FAM81A: variants seen among roughly 807,000 people sequenced by gnomAD.
The protein encoded by FAM81A is protein FAM81A.
A neutral mutation model predicts 46.7 loss-of-function variants in FAM81A; 19 were observed. The ratio of observed to expected loss-of-function variants is 0.41; its 90% CI spans 0.28 to 0.60. The LOEUF (loss-of-function observed/expected upper bound fraction) is 0.60, where lower values mean the gene tolerates loss of function less well. Ranked by LOEUF, FAM81A falls within the 20% of genes least tolerant of loss-of-function variation. The pLI is 0.34. For synonymous variants in FAM81A, 183 were observed against 152.9 expected (o/e 1.20, Z -1.45); for missense variants, 377 against 453.5 (o/e 0.83, Z 1.53).
intron 1 of FAM81A, among the ~76,000 whole-genome samples, chr15:59,447,289 G>T (rs2081363469): frequency 1.3e-5 from 2 of 152,224 alleles, no homozygotes; most frequent in Admixed American, 6.5e-5. Context: ...CCTAAGGACA[G>T]ATATTTTGGT....
intron 4 of FAM81A, among the ~76,000 whole-genome samples, chr15:59,498,338 C>G (rs186139643): frequency 7.9e-5 from 12 of 152,208 alleles, no homozygotes; most frequent in Non-Finnish European, 1.8e-4. Flanking sequence ...TTTATTGCCA[C>G]TTAGATAAGT....
At position 59,521,774 on chromosome 15, in the gene FAM81A, G is replaced by A. The variant is rs530846692; in HGVS notation, c.*396G>A. ...TTAAGAAACTAATGAATCATCACAGGAATGTGTTGCTCCTCACCCTAAATT... is the reference window on the plus strand; with the variant it reads ...TTAAGAAACTAATGAATCATCACAGAAATGTGTTGCTCCTCACCCTAAATT... On this transcript the variant is annotated 3_prime_UTR_variant, in exon 9 of 9. Coordinates refer to ENST00000288228, the MANE Select transcript of FAM81A (RefSeq NM_152450.3). 7.1e-5 allele frequency: 11 copies of A among 154,512 alleles called. No individual in the cohort carries two copies. The highest frequency in any genetic ancestry group is 1.3e-4 in the Admixed American group (2 of 15,398). 9.6% of individuals were successfully genotyped at this position (154,512 alleles called of 1,614,324 possible).
At chr15:59,429,844 G>A (rs1488223862) in intron 2 of FAM81A, among the ~76,000 whole-genome samples, 1 of 152,148 alleles carries the variant, frequency 6.6e-6, no homozygotes, top group African/African-American at 2.4e-5. Flanking sequence ...CCTAATTTCT[G>A]ATGTAATAGA....
chr15:59,507,016 A>G (rs1387605665), intron 4 of FAM81A, among the ~76,000 whole-genome samples, 197 bp from the exon 5 acceptor site: 3 of 152,214 alleles, frequency 2.0e-5, no homozygotes, highest in African/African-American at 7.2e-5. Flanking sequence ...CTCTAGCCTT[A>G]TTAAGCAACA....
At chr15:59,476,016 T>C (rs7172008) in intron 3 of FAM81A, among the ~76,000 whole-genome samples, 127,135 of 152,178 alleles carry the variant, frequency 0.84, 53,528 homozygotes, top group African/African-American at 0.95. Context: ...AAAATGCTGG[T>C]AGATCCAGTG....
intron 3 of FAM81A, among the ~76,000 whole-genome samples, chr15:59,471,931 A>G (rs576112899): frequency 1.3e-5 from 2 of 152,314 alleles, no homozygotes; most frequent in South Asian, 4.1e-4. Flanking sequence ...TATGATGGTT[A>G]AAGAAAATGA....
chr15:59,467,620 G>C (rs1436204064), intron 3 of FAM81A, among the ~76,000 whole-genome samples: 1 of 152,174 alleles, frequency 6.6e-6, no homozygotes. Context: ...TGAGATGATG[G>C]GGTTTTCTAA....
chr15:59,449,577 C>G (rs570569821), intron 1 of FAM81A, among the ~76,000 whole-genome samples: 19 of 151,894 alleles, frequency 1.3e-4, no homozygotes, highest in Admixed American at 1.0e-3. Flanking sequence ...GTCAGGAGAT[C>G]GAGACCATCC....
chr15:59,455,666 T>C (rs1317668522), intron 1 of FAM81A, among the ~76,000 whole-genome samples: 1 of 152,200 alleles, frequency 6.6e-6, no homozygotes, highest in Non-Finnish European at 1.5e-5. Context: ...GCTCATGCCT[T>C]ATGAAATTTC....
intron 2 of FAM81A, among the ~76,000 whole-genome samples, chr15:59,427,512 T>A (rs192589929): frequency 1.8e-4 from 27 of 152,258 alleles, no homozygotes; most frequent in Non-Finnish European, 3.5e-4. Context: ...TTTATTCTGT[T>A]TTTTTAATAC....
intron 3 of FAM81A, among the ~76,000 whole-genome samples, chr15:59,488,818 A>G (rs1305764931): frequency 2.0e-5 from 3 of 151,922 alleles, no homozygotes; most frequent in Admixed American, 2.0e-4. Flanking sequence ...CTCTACCAAA[A>G]ATACGATAAA....
intron 2 of FAM81A, among the ~76,000 whole-genome samples, chr15:59,415,974 C>A (rs554318406): frequency 6.6e-6 from 1 of 152,196 alleles, no homozygotes; most frequent in African/African-American, 2.4e-5. Context: ...CAGCCAGGTA[C>A]AATCCCTGAA....
At chr15:59,489,652 A>G (rs1267108934) in intron 3 of FAM81A, among the ~76,000 whole-genome samples, 1 of 152,248 alleles carries the variant, frequency 6.6e-6, no homozygotes, top group Non-Finnish European at 1.5e-5. Flanking sequence ...CTGACTTGCA[A>G]TTATACTACA....
At chr15:59,494,709 A>G (rs1386612442) in intron 4 of FAM81A, among the ~76,000 whole-genome samples, 1 of 152,168 alleles carries the variant, frequency 6.6e-6, no homozygotes, top group Non-Finnish European at 1.5e-5. Context: ...TTCTTTGGAA[A>G]AGTTTCTTGG....
chr15:59,482,475 G>T (rs1020021736), intron 3 of FAM81A, among the ~76,000 whole-genome samples: 2 of 152,120 alleles, frequency 1.3e-5, no homozygotes, highest in African/African-American at 4.8e-5. Context: ...CACCATGTTG[G>T]CCAGGCTGGT....
intron 2 of FAM81A, among the ~76,000 whole-genome samples, chr15:59,423,428 G>T (rs2081183288): frequency 6.6e-6 from 1 of 152,196 alleles, no homozygotes; most frequent in Non-Finnish European, 1.5e-5. Flanking sequence ...ACTTTTGATA[G>T]AAAAGGACAC....
rs1361007966 is a variant in FAM81A at position 59,406,517 on chromosome 15, T to A, written c.-78+4159T>A. On this transcript the variant is annotated intron_variant, in intron 2 of 4. Transcript: ENST00000558348. The stretch of plus-strand genomic sequence containing the variant: ...TCAGCTTTATTAAGGCAAATTTATA[T>A]ATCATAAAGTTCACCCACTTTAAGT... Among the ~76,000 whole-genome samples, 3 of 152,232 alleles carry A rather than the reference T, an allele frequency of 2.0e-5. No individual in the cohort carries two copies. In the East Asian group the frequency reaches 5.8e-4, roughly 29 times the overall value.
intron 2 of FAM81A, among the ~76,000 whole-genome samples, chr15:59,424,854 A>G (rs1429714291): frequency 6.6e-6 from 1 of 152,078 alleles, no homozygotes; most frequent in Non-Finnish European, 1.5e-5. Context: ...TGGTTTCTCT[A>G]CTTTCTCTTC....
intron 1 of FAM81A, among the ~76,000 whole-genome samples, chr15:59,458,117 C>T (rs140735958): frequency 3.9e-5 from 6 of 152,242 alleles, no homozygotes; most frequent in Non-Finnish European, 8.8e-5. Context: ...TCTTCATTTA[C>T]CATGGAATTA....
Sources: allele counts gnomAD v4.1 joint callset (sites outside exome capture counted in the v4.1 genomes callset), GRCh38; gene constraint gnomAD v4.1.1; transcripts MANE v1.5; gene names NCBI Gene and HGNC (gene_info 2026-07-23, HGNC 2026-07-21).